RGS22: variants seen among roughly 807,000 people sequenced by gnomAD.
RGS22 encodes the protein regulator of G protein signaling 22.
In RGS22, 148 loss-of-function variants were observed where a neutral mutation model predicts 172.9. The ratio of observed to expected loss-of-function variants is 0.86; its 90% CI spans 0.75 to 0.98. The LOEUF (loss-of-function observed/expected upper bound fraction) is 0.98. RGS22 is among the 50% of genes least tolerant of loss of function. RGS22 has a pLI of 0.00. For synonymous variants in RGS22, 458 were observed against 480.2 expected, an observed-to-expected ratio of 0.95 and a Z score of 0.60; for missense variants, 1,347 against 1,440.8, an observed-to-expected ratio of 0.93 and a Z score of 1.05.
rs548324933 is a variant in RGS22 at position 100,004,113 on chromosome 8, CT to C, written c.2455-16del. 5.4e-4 allele frequency: 842 copies of C among 1,571,384 alleles called. 2 individuals carry two copies. The African/African-American group carries it at 9.7e-3, about 18-fold the overall frequency. On this transcript the variant is annotated splice_polypyrimidine_tract_variant and intron_variant, in intron 16 of 27. Coordinates refer to ENST00000360863, the MANE Select transcript of RGS22 (RefSeq NM_015668.5). ...CAAGTGGTGTCCTAGTGAAATAGTA[CT>C]TTTCAGCAAAAATCTCTTAAACACA...
At chr8:100,044,111 T>C (rs1391454546) in intron 11 of RGS22, among the ~76,000 whole-genome samples, 1 of 152,222 alleles carries the variant, frequency 6.6e-6, no homozygotes, top group East Asian at 1.9e-4. Flanking sequence ...ATAAAAGGCC[T>C]GGGCCCAAAA....
chr8:100,069,876 G>T (rs1483356187), intron 6 of RGS22, among the ~76,000 whole-genome samples: 2 of 151,372 alleles, frequency 1.3e-5, no homozygotes, highest in African/African-American at 4.8e-5. Context: ...AAAAATACAA[G>T]AATTAGCCAG....
At chr8:100,018,190 C>T (rs1454119005) in intron 14 of RGS22, among the ~76,000 whole-genome samples, 3 of 148,076 alleles carry the variant, frequency 2.0e-5, no homozygotes, top group African/African-American at 7.6e-5. Context: ...GTGCCTGTGA[C>T]TCACTTTCTT....
At chr8:100,036,052 C>A (rs1461860616) in intron 14 of RGS22, among the ~76,000 whole-genome samples, 2 of 151,784 alleles carry the variant, frequency 1.3e-5, no homozygotes, top group African/African-American at 4.8e-5. Flanking sequence ...CATATGTAGA[C>A]CTATGTAACA....
rs531620457 is a variant in RGS22 at position 100,033,231 on chromosome 8, C to T, written c.2166+5700G>A. Among the ~76,000 whole-genome samples, 202 of 152,162 alleles carry T rather than the reference C, an allele frequency of 1.3e-3. 1 individual carries two copies. The highest frequency in any genetic ancestry group is 2.1e-3 in the Non-Finnish European group (145 of 67,992). On this transcript the variant is annotated intron_variant, in intron 14 of 27. Transcript: ENST00000360863. The stretch of plus-strand genomic sequence containing the variant: ...TCAAAAAAATCAATGAATCCAGGAG[C>T]TGGTTTTTTGAAAAGATCAACAAAA...
intron 8 of RGS22, 63 bp from the exon 9 acceptor site, chr8:100,062,815 T>TTTTG: frequency 6.3e-6 from 8 of 1,266,644 alleles, no homozygotes; most frequent in East Asian, 2.4e-5. Context: ...ACTACCAAAA[T>TTTTG]GTAGTTGAAT....
At chr8:100,022,011 G>A (rs1354920784) in intron 14 of RGS22, among the ~76,000 whole-genome samples, 2 of 152,012 alleles carry the variant, frequency 1.3e-5, no homozygotes, top group African/African-American at 2.4e-5. Context: ...TGCAAAAGGA[G>A]GAAAAAATGA....
At chr8:100,059,239 A>C (rs1295422241) in intron 9 of RGS22, among the ~76,000 whole-genome samples, 1 of 152,118 alleles carries the variant, frequency 6.6e-6, no homozygotes, top group Non-Finnish European at 1.5e-5. Flanking sequence ...GAAAGAAAGA[A>C]CACCACAAAA....
chr8:99,974,728 G>A (rs183818087), intron 23 of RGS22, among the ~76,000 whole-genome samples: 2 of 151,442 alleles, frequency 1.3e-5, no homozygotes, highest in East Asian at 3.9e-4. Context: ...AACCTGAGAG[G>A]CAGAGGTTGC....
intron 14 of RGS22, among the ~76,000 whole-genome samples, chr8:100,019,815 T>C (rs772061150): frequency 2.0e-5 from 3 of 151,998 alleles, no homozygotes; most frequent in Non-Finnish European, 4.4e-5. Context: ...TTCACATTCT[T>C]CTCACAATTT....
At chr8:100,023,168 C>A (rs766046007) in intron 14 of RGS22, among the ~76,000 whole-genome samples, 5 of 152,062 alleles carry the variant, frequency 3.3e-5, no homozygotes, top group Non-Finnish European at 7.4e-5. Flanking sequence ...AGAAAATCAA[C>A]CATCATTAAG....
intron 14 of RGS22, 57 bp from the exon 15 acceptor site, chr8:100,008,626 A>G: frequency 1.5e-6 from 2 of 1,349,900 alleles, no homozygotes. Context: ...AATGGTTAGC[A>G]GACACCTCAA....
intron 14 of RGS22, among the ~76,000 whole-genome samples, chr8:100,036,838 A>G (rs1189901213): frequency 6.6e-6 from 1 of 152,120 alleles, no homozygotes; most frequent in Non-Finnish European, 1.5e-5. Flanking sequence ...GGCTCAAGCA[A>G]TCCTCTTGCC....
At chr8:100,101,443 ATTTTT>A (rs57644659) in intron 2 of RGS22, among the ~76,000 whole-genome samples, 5 of 116,778 alleles carry the variant, frequency 4.3e-5, no homozygotes, top group Non-Finnish European at 6.8e-5. Context: ...TGCCCAGCTA[ATTTTT>A]TTTTTTTTTT....
chr8:100,017,119 C>T (rs1817073574), intron 14 of RGS22, among the ~76,000 whole-genome samples: 1 of 148,998 alleles, frequency 6.7e-6, no homozygotes, highest in Admixed American at 6.8e-5. Flanking sequence ...TGTCAACTTT[C>T]ATCACCATGC....
chr8:100,046,297 C>T (rs2131634128), intron 11 of RGS22: 1 of 152,118 alleles, frequency 6.6e-6, no homozygotes, highest in East Asian at 1.9e-4. Context: ...TTCTGAACCT[C>T]ACTTTTCAGC....
rs755166442 is a variant in RGS22 at position 100,047,462 on chromosome 8, C to T, written c.1823+1G>A. ...CTTAACACACAAAAAGTTGCACCTACCCTTTCTCAATCACATCATCCTTAG... is the reference window on the plus strand; with the variant it reads ...CTTAACACACAAAAAGTTGCACCTATCCTTTCTCAATCACATCATCCTTAG... On this transcript the variant is annotated splice_donor_variant, in intron 11 of 27. Transcript: ENST00000360863. LOFTEE classifies it high-confidence loss of function. The T allele has an allele frequency of 6.3e-7, 1 of 1,593,742 alleles. No individual in the cohort carries two copies. The highest frequency in any genetic ancestry group is 8.5e-7 in the Non-Finnish European group (1 of 1,173,558).
chr8:100,067,930 T>C (rs911059379), intron 6 of RGS22, among the ~76,000 whole-genome samples: 1 of 152,038 alleles, frequency 6.6e-6, no homozygotes, highest in Non-Finnish European at 1.5e-5. Context: ...GCCTATACTT[T>C]TAAGAGATGT....
intron 14 of RGS22, among the ~76,000 whole-genome samples, chr8:100,037,122 G>A (rs1819587213): frequency 6.6e-6 from 1 of 151,968 alleles, no homozygotes; most frequent in Non-Finnish European, 1.5e-5. Flanking sequence ...AACTAATTTA[G>A]ACAATTGCTC....
Sources: allele counts gnomAD v4.1 joint callset (sites outside exome capture counted in the v4.1 genomes callset), GRCh38; gene constraint gnomAD v4.1.1; transcripts MANE v1.5; gene names NCBI Gene and HGNC (gene_info 2026-07-23, HGNC 2026-07-21).